CDH7: variants seen among roughly 807,000 people sequenced by gnomAD.
CDH7 encodes cadherin-7.
A neutral mutation model predicts 71.8 loss-of-function variants in CDH7; 25 were observed. That is an observed-to-expected ratio of 0.35 (90% CI 0.25 to 0.49). The LOEUF (loss-of-function observed/expected upper bound fraction) is 0.49, where lower values mean the gene tolerates loss of function less well. Among genes scored for constraint, CDH7 ranks in the 20% least tolerant of loss-of-function variants. The pLI is 0.99. For missense variants in CDH7, 862 were observed against 974.6 expected (o/e 0.88, Z 1.54); for synonymous variants, 381 against 363.8 (o/e 1.05, Z -0.54).
intron 6 of CDH7, among the ~76,000 whole-genome samples, chr18:65,842,182 TTGTTG>T (rs1346021669): frequency 6.6e-6 from 1 of 152,036 alleles, no homozygotes; most frequent in East Asian, 1.9e-4. Flanking sequence ...AATTTTTTTG[TTGTTG>T]TGTTGATTCA....
chr18:65,780,012 T>G (rs77696684), intron 2 of CDH7, among the ~76,000 whole-genome samples: 1 of 110,098 alleles, frequency 9.1e-6, no homozygotes, highest in South Asian at 3.1e-4. Flanking sequence ...GGTGTGAGAT[T>G]ATATCTCATA....
At chr18:65,765,030 T>C (rs112554091) in intron 2 of CDH7, among the ~76,000 whole-genome samples, 2,024 of 152,206 alleles carry the variant, frequency 0.013, 64 homozygotes, top group African/African-American at 0.046. Context: ...AGAAATATTA[T>C]GTACCTCTCT....
Position 65,789,849 on chromosome 18 carries a change from C to T in CDH7, c.211-19855C>T, listed in dbSNP as rs146426607. Among the ~76,000 whole-genome samples, 293 of 152,162 alleles carry T rather than the reference C, an allele frequency of 1.9e-3. 2 individuals carry two copies. Among genetic ancestry groups the T allele is most frequent in the Middle Eastern group, 0.01 (3 of 294 alleles). On this transcript the variant is annotated intron_variant, in intron 2 of 11. Transcript: ENST00000397968. ...AAGGGGACCTCTCACATAGTAGGTA[C>T]TATTCAATGAATGACAAATCCACTG...
In CDH7 at chr18:65,771,529, C is replaced by T. The variant is rs556786355; in HGVS notation, c.210+8477C>T. On this transcript the variant is annotated intron_variant, in intron 2 of 11. Coordinates refer to ENST00000397968, the MANE Select transcript of CDH7 (RefSeq NM_004361.5). ...AAAAACAAACAAACAAAAAATTAGC[C>T]GGACGTCATTGCATGTGCCTGTTGT... Among the ~76,000 whole-genome samples the T allele has an allele frequency of 3.3e-5, 5 of 151,300 alleles. No individual in the cohort carries two copies. In the South Asian group the frequency reaches 6.3e-4, roughly 19 times the overall value.
chr18:65,860,284 G>GTAAT (rs747037271), intron 10 of CDH7, among the ~76,000 whole-genome samples: 126 of 152,152 alleles, frequency 8.3e-4, no homozygotes, highest in Admixed American at 1.4e-3. Context: ...AAATGCAAAT[G>GTAAT]TAATTCATGC....
intron 7 of CDH7, among the ~76,000 whole-genome samples, chr18:65,850,451 G>C (rs1312184023): frequency 6.6e-6 from 1 of 151,796 alleles, no homozygotes; most frequent in Non-Finnish European, 1.5e-5. Flanking sequence ...TCAGAAAAGA[G>C]AGGAGTAGGG....
intron 6 of CDH7, among the ~76,000 whole-genome samples, chr18:65,835,737 T>A (rs1912510352): frequency 6.6e-6 from 1 of 152,218 alleles, no homozygotes; most frequent in African/African-American, 2.4e-5. Flanking sequence ...TTTCCAAGGC[T>A]TGTTTTCTAC....
chr18:65,776,012 A>G (rs1216534602), intron 2 of CDH7, among the ~76,000 whole-genome samples: 1 of 152,000 alleles, frequency 6.6e-6, no homozygotes, highest in Non-Finnish European at 1.5e-5. Context: ...TGATGGAAAG[A>G]GCAGATGTTA....
intron 1 of CDH7, among the ~76,000 whole-genome samples, chr18:65,757,976 G>A (rs371563696): frequency 3.4e-4 from 51 of 152,160 alleles, no homozygotes; most frequent in African/African-American, 1.2e-3. Context: ...TTCTAAAGAG[G>A]GATGCAGTGT....
chr18:65,789,128 A>C (rs781712432), intron 2 of CDH7, among the ~76,000 whole-genome samples: 44 of 152,338 alleles, frequency 2.9e-4, no homozygotes, highest in Non-Finnish European at 5.7e-4. Context: ...CATACATATA[A>C]TATCAGTGTT....
At chr18:65,818,621 A>C (rs1004043390) in intron 4 of CDH7, among the ~76,000 whole-genome samples, 4 of 152,240 alleles carry the variant, frequency 2.6e-5, no homozygotes, top group Admixed American at 2.0e-4. Context: ...TATCACTGAG[A>C]TATTTTAAGT....
chr18:65,781,828 T>A (rs1181519320), intron 2 of CDH7, among the ~76,000 whole-genome samples: 10 of 80,812 alleles, frequency 1.2e-4, no homozygotes, highest in African/African-American at 7.8e-4. Flanking sequence ...CCTTCTTTCT[T>A]TCTTTCTTTC....
At chr18:65,789,936 T>A (rs1910649859) in intron 2 of CDH7, among the ~76,000 whole-genome samples, 2 of 151,960 alleles carry the variant, frequency 1.3e-5, no homozygotes, top group South Asian at 4.2e-4. Flanking sequence ...AAATTTGAAG[T>A]TGCCTGAGGG....
At chr18:65,866,787 A>G (rs1233223667) in intron 11 of CDH7, among the ~76,000 whole-genome samples, 2 of 152,142 alleles carry the variant, frequency 1.3e-5, no homozygotes, top group Non-Finnish European at 2.9e-5. Context: ...TCCTAACTTT[A>G]TGGATGAACT....
At chr18:65,829,410 A>G (rs548152670) in intron 6 of CDH7, among the ~76,000 whole-genome samples, 1 of 151,790 alleles carries the variant, frequency 6.6e-6, no homozygotes, top group Admixed American at 6.6e-5. Flanking sequence ...TCAGGATAGG[A>G]TACATGTGTA....
chr18:65,815,079 A>G (rs1911676651), intron 4 of CDH7, among the ~76,000 whole-genome samples: 1 of 152,164 alleles, frequency 6.6e-6, no homozygotes, highest in Admixed American at 6.5e-5. Context: ...CTGCCAAATC[A>G]AAAACTAAAC....
At chr18:65,789,367 G>A (rs17783081) in intron 2 of CDH7, among the ~76,000 whole-genome samples, 47,372 of 152,050 alleles carry the variant, frequency 0.31, 7,608 homozygotes, top group Middle Eastern at 0.46. Flanking sequence ...CTGTTTAGGC[G>A]TCTGTAATTG....
At chr18:65,804,690 C>T (rs1247298355) in intron 2 of CDH7, among the ~76,000 whole-genome samples, 1 of 84,272 alleles carries the variant, frequency 1.2e-5, no homozygotes, top group Non-Finnish European at 2.7e-5. Context: ...TCAACCCTCC[C>T]TTAACACACG....
At chr18:65,764,481 A>G (rs1916295081) in intron 2 of CDH7, among the ~76,000 whole-genome samples, 1 of 152,016 alleles carries the variant, frequency 6.6e-6, no homozygotes, top group South Asian at 2.1e-4. Context: ...GTACATATAT[A>G]TGCTAAATAT....
Sources: gnomAD v4.1 joint callset for allele counts (sites outside exome capture counted in the v4.1 genomes callset) on GRCh38, gnomAD v4.1.1 for gene constraint, MANE v1.5 for transcripts, NCBI Gene and HGNC (gene_info 2026-07-23, HGNC 2026-07-21) for gene names.